SCN9A: variants seen among roughly 807,000 people sequenced by gnomAD.
SCN9A encodes sodium voltage-gated channel alpha subunit 9, also known as sodium channel protein type 9 subunit alpha.
SCN9A carries 131 observed loss-of-function variants against 187.0 expected under a neutral mutation model. The ratio of observed to expected loss-of-function variants is 0.70; its 90% CI spans 0.61 to 0.81. The LOEUF is 0.81. Among genes scored for constraint, SCN9A ranks in the 30% least tolerant of loss-of-function variants. SCN9A has a pLI of 0.00. For synonymous variants in SCN9A, 809 were observed against 808.6 expected, an observed-to-expected ratio of 1.00 and a Z score of -0.01; for missense variants, 2,252 against 2,396.6, an observed-to-expected ratio of 0.94 and a Z score of 1.26.
chr2:166,303,422 T>A, intron 6 of SCN9A, 120 bp from the exon 7 acceptor site: 1 of 755,478 alleles, frequency 1.3e-6, no homozygotes, highest in Non-Finnish European at 2.1e-6. Flanking sequence ...GTAACCTAAT[T>A]CAAAAAAAGC....
rs752677480 is a variant in SCN9A, at chr2:166,292,050, C to T, written c.1107+1181G>A. 2.6e-5 allele frequency among the ~76,000 whole-genome samples: 4 copies of T among 152,078 alleles called. No homozygotes were observed. The East Asian group carries it at 5.8e-4, about 22-fold the overall frequency. ...ACAAAAATACCAAAAGCAATTGCAA[C>T]CAAAGCCAAAATTGACAAATGGGAT... On this transcript the variant is annotated intron_variant, in intron 9 of 26. Coordinates refer to ENST00000642356, the MANE Select transcript of SCN9A (RefSeq NM_001365536.1).
chr2:166,252,410 A>C (rs1333339293), intron 17 of SCN9A, among the ~76,000 whole-genome samples: 1 of 151,950 alleles, frequency 6.6e-6, no homozygotes, highest in African/African-American at 2.4e-5. Flanking sequence ...ATTTTTTATT[A>C]TCTCTTGAAT....
intron 1 of SCN9A, among the ~76,000 whole-genome samples, chr2:166,320,124 T>C (rs1021130571): frequency 6.6e-6 from 1 of 152,002 alleles, no homozygotes; most frequent in Non-Finnish European, 1.5e-5. Flanking sequence ...TATTTAGAGA[T>C]AAAAAGGAAA....
intron 26 of SCN9A, 32 bp downstream of exon 26, chr2:166,203,923 A>G: frequency 7.2e-7 from 1 of 1,380,392 alleles, no homozygotes; most frequent in South Asian, 1.3e-5. Context: ...GCTTTACTCA[A>G]AAAATAAAAT....
intron 24 of SCN9A, among the ~76,000 whole-genome samples, chr2:166,208,081 T>C (rs1693902453): frequency 6.6e-6 from 1 of 152,216 alleles, no homozygotes; most frequent in African/African-American, 2.4e-5. Flanking sequence ...TAGAGAAACT[T>C]GCGTGGGTGT....
chr2:166,198,746 C>G lies in SCN9A; in HGVS notation c.5893G>C (p.Asp1965His). ...CTGTCTTGTTCATATTTCTCTTTGT[C>G]TGGCTTTGTTACACTATCATATGAA... ...PPSYDSVTKP[D>H]KEKYEQDRTE... is the part of the protein sequence containing the mutation. Residue 1965 changes from aspartate to histidine, a missense_variant, in exon 27 of 27, where the codon GAC becomes CAC. Around this residue, in one of 7 missense-constraint regions of SCN9A, gnomAD observed 345 missense variants for 344.6 expected, o/e 1.00. Transcript: ENST00000642356. The G allele has an allele frequency of 1.2e-6, 2 of 1,613,446 alleles. No individual in the cohort carries two copies. Among genetic ancestry groups the G allele is most frequent in the Non-Finnish European group, 1.7e-6 (2 of 1,179,648 alleles).
chr2:166,322,863 G>A (rs1699277543), intron 1 of SCN9A, among the ~76,000 whole-genome samples: 1 of 152,042 alleles, frequency 6.6e-6, no homozygotes, highest in South Asian at 2.1e-4. Flanking sequence ...AATGATCTTG[G>A]ACATCCCAGT....
chr2:166,308,158 C>A (rs999705202), intron 2 of SCN9A, among the ~76,000 whole-genome samples: 2 of 152,170 alleles, frequency 1.3e-5, no homozygotes, highest in Non-Finnish European at 2.9e-5. Context: ...TTCACTTTTA[C>A]ATGGAAAATT....
chr2:166,266,862 T>C (rs772977308), intron 17 of SCN9A, among the ~76,000 whole-genome samples: 19 of 152,050 alleles, frequency 1.2e-4, no homozygotes, highest in Admixed American at 7.9e-4. Context: ...TTATTTGTTG[T>C]TAACATATAG....
chr2:166,195,967 G>A lies in SCN9A; in HGVS notation c.*2705C>T, dbSNP rs1394787184. On this transcript the variant is annotated 3_prime_UTR_variant, in exon 27 of 27. Coordinates refer to ENST00000642356, the MANE Select transcript of SCN9A (RefSeq NM_001365536.1). ...GGAGGCTGAGGCAGGAGGGTTGCTTGAGCCCAGAGTTGAGGCTGCAGAGAG... is the reference window on the plus strand; with the variant it reads ...GGAGGCTGAGGCAGGAGGGTTGCTTAAGCCCAGAGTTGAGGCTGCAGAGAG... 2 of 152,356 alleles carry A rather than the reference G, an allele frequency of 1.3e-5. No individual in the cohort carries two copies. The highest frequency in any genetic ancestry group is 2.4e-5 in the African/African-American group (1 of 41,542). 9.4% of individuals were successfully genotyped at this position (152,356 alleles called of 1,614,324 possible).
At chr2:166,199,975 G>GCTTTTTTT (rs1693410124) in intron 26 of SCN9A, 111 bp from the exon 27 acceptor site, 1 of 79,310 alleles carries the variant, frequency 1.3e-5, no homozygotes, top group African/African-American at 9.4e-5. Context: ...ATTCAAGACA[G>GCTTTTTTT]TTTTTTTTTT....
At position 166,277,053 on chromosome 2, in the gene SCN9A, C is replaced by T. The variant is rs752172539; in HGVS notation, c.2804G>A (p.Cys935Tyr). The T allele has an allele frequency of 6.2e-7, 1 of 1,614,084 alleles. No individual in the cohort carries two copies. Among genetic ancestry groups the T allele is most frequent in the South Asian group, 1.1e-5 (1 of 91,082 alleles). Residue 935 changes from cysteine to tyrosine, a missense_variant, in exon 16 of 27, where the codon TGT (cysteine) becomes TAT (tyrosine). Around this residue, in one of 7 missense-constraint regions of SCN9A, gnomAD observed 119 missense variants for 188.7 expected, o/e 0.63. Transcript: ENST00000642356. ...CATAGCTTGACCAGCGACCTCCATA[C>T]AGTCCCACATGGTCTCTATCCACTC... is the stretch of plus-strand genomic sequence containing the variant. Reference protein sequence around the residue: ...CGEWIETMWDCMEVAGQAMCL... With the variant: ...CGEWIETMWDYMEVAGQAMCL...
rs1309168684 is a variant in SCN9A, at chr2:166,222,945, C to CAAAAAAAAAAAAAAAAAAAAAA, written c.4398+3600_4398+3621dup. 3.3e-3 allele frequency among the ~76,000 whole-genome samples: 148 copies of CAAAAAAAAAAAAAAAAAAAAAA among 44,860 alleles called. 10 individuals are homozygous for CAAAAAAAAAAAAAAAAAAAAAA. Among genetic ancestry groups the CAAAAAAAAAAAAAAAAAAAAAA allele is most frequent in the African/African-American group, 3.7e-3 (38 of 10,350 alleles). 29.4% of individuals were successfully genotyped at this position (44,860 alleles called of 152,430 possible). On this transcript the variant is annotated intron_variant, in intron 24 of 26. Transcript: ENST00000642356. ...AACTCCGTCTCAAAAAAAAAAACAA[C>CAAAAAAAAAAAAAAAAAAAAAA]AAAAAAAAAAAAAAAAAAAAAAAAA...
intron 17 of SCN9A, among the ~76,000 whole-genome samples, chr2:166,256,666 T>C (rs1324585753): frequency 6.6e-6 from 1 of 151,516 alleles, no homozygotes; most frequent in African/African-American, 2.4e-5. Context: ...CCTATTTTTC[T>C]TTGTCTATTG....
intron 1 of SCN9A, among the ~76,000 whole-genome samples, chr2:166,327,866 T>C (rs1024157267): frequency 6.6e-6 from 1 of 152,204 alleles, no homozygotes; most frequent in Non-Finnish European, 1.5e-5. Context: ...CTAGCCCTGA[T>C]AACTCTTAGA....
At chr2:166,292,355 A>G (rs1021638937) in intron 9 of SCN9A, among the ~76,000 whole-genome samples, 1 of 152,086 alleles carries the variant, frequency 6.6e-6, no homozygotes, top group African/African-American at 2.4e-5. Context: ...ATGAAAAATT[A>G]TTTTAATTTT....
chr2:166,211,281 A>T (rs1230463460), intron 24 of SCN9A, among the ~76,000 whole-genome samples: 1 of 152,156 alleles, frequency 6.6e-6, no homozygotes, highest in Non-Finnish European at 1.5e-5. Flanking sequence ...GACCAAGAAT[A>T]ATATACCTGG....
At position 166,280,554 on chromosome 2, in the gene SCN9A, T is replaced by G. The variant is rs1177414657; in HGVS notation, c.2146A>C (p.Arg716=). The change falls in exon 14 of 27, where the codon AGA becomes CGA. Residue 716 remains arginine (R), a synonymous_variant. Coordinates refer to ENST00000642356, the MANE Select transcript of SCN9A (RefSeq NM_001365536.1). ...SRQKCPPWWY[R]FAHKFLIWNC... is the part of the protein sequence containing the mutation. ...CAGATCAAGAATTTGTGTGCAAATC[T>G]GTACCACCAAGGTGGACATTTTTGT... 2 of 1,590,324 alleles carry G rather than the reference T, an allele frequency of 1.3e-6. No individual in the cohort carries two copies. Among genetic ancestry groups the G allele is most frequent in the Non-Finnish European group, 1.7e-6 (2 of 1,166,356 alleles).
chr2:166,288,706 T>G (rs753629294), intron 9 of SCN9A, 63 bp from the exon 10 acceptor site: 200 of 1,273,002 alleles, frequency 1.6e-4, no homozygotes, highest in Non-Finnish European at 2.0e-4. Flanking sequence ...TTATTTCAAT[T>G]TGACAGGCAT....
Sources: gnomAD v4.1 joint callset for allele counts (sites outside exome capture counted in the v4.1 genomes callset) on GRCh38, gnomAD v4.1.1 for gene constraint, gnomAD v4.1.1 regional missense constraint, MANE v1.5 for transcripts, NCBI Gene and HGNC (gene_info 2026-07-23, HGNC 2026-07-21) for gene names.